GRM8: variants seen among roughly 807,000 people sequenced by gnomAD.
GRM8 encodes metabotropic glutamate receptor 8.
A neutral mutation model predicts 87.2 loss-of-function variants in GRM8; 47 were observed. The observed-to-expected ratio is 0.54, with a 90% CI of 0.43 to 0.69. The LOEUF (loss-of-function observed/expected upper bound fraction) is 0.69. Ranked by LOEUF, GRM8 falls within the 30% of genes least tolerant of loss-of-function variation. GRM8 has a pLI of 0.00. For missense variants in GRM8, 1,019 were observed against 1,139.2 expected (o/e 0.89, Z 1.52); for synonymous variants, 396 against 404.5 (o/e 0.98, Z 0.25).
intron 3 of GRM8, among the ~76,000 whole-genome samples, chr7:126,946,629 A>T (rs1807570258): frequency 1.3e-5 from 2 of 152,322 alleles, no homozygotes; most frequent in African/African-American, 4.8e-5. Context: ...ATTCTATACC[A>T]ACCTGTAGAT....
chr7:126,854,687 G>C (rs1166197102), intron 6 of GRM8, among the ~76,000 whole-genome samples: 1 of 152,138 alleles, frequency 6.6e-6, no homozygotes, highest in Non-Finnish European at 1.5e-5. Context: ...TTCCTTAGCT[G>C]TTAAACCAAA....
chr7:127,072,924 C>A (rs546247392), intron 3 of GRM8, among the ~76,000 whole-genome samples: 46 of 152,056 alleles, frequency 3.0e-4, no homozygotes, highest in African/African-American at 1.1e-3. Context: ...ACAAAGCTAG[C>A]CCACCTCTCT....
chr7:126,510,546 A>G lies in GRM8; in HGVS notation c.2430+22406T>C, dbSNP rs73722635. Among the ~76,000 whole-genome samples, 663 of 88,822 alleles carry G rather than the reference A, an allele frequency of 7.5e-3. 2 individuals are homozygous for G. Among genetic ancestry groups the G allele is most frequent in the African/African-American group, 0.028 (640 of 22,806 alleles). The allele number at this position is 88,822 out of a possible 152,430, so 58.3% of individuals were successfully genotyped here. ...TGAAGGACTTTTGAAGGAAATAAGCATGTTTAAAGTGAAAATAAATTTCAA... is the reference window on the plus strand; with the variant it reads ...TGAAGGACTTTTGAAGGAAATAAGCGTGTTTAAAGTGAAAATAAATTTCAA... On this transcript the variant is annotated intron_variant, in intron 9 of 10. Coordinates refer to ENST00000339582, the MANE Select transcript of GRM8 (RefSeq NM_000845.3).
intron 3 of GRM8, among the ~76,000 whole-genome samples, chr7:127,019,179 AATGTG>A (rs1816004804): frequency 6.6e-6 from 1 of 152,098 alleles, no homozygotes; most frequent in African/African-American, 2.4e-5. Flanking sequence ...CTATACAATG[AATGTG>A]TTACCTTATT....
At chr7:127,046,233 G>T (rs1818909093) in intron 3 of GRM8, among the ~76,000 whole-genome samples, 1 of 151,754 alleles carries the variant, frequency 6.6e-6, no homozygotes, top group African/African-American at 2.4e-5. Context: ...TTAGCCAGGC[G>T]TGGTGGTGGG....
At chr7:126,640,166 T>C (rs1246752437) in intron 7 of GRM8, among the ~76,000 whole-genome samples, 1 of 152,192 alleles carries the variant, frequency 6.6e-6, no homozygotes, top group Non-Finnish European at 1.5e-5. Context: ...TAAAAGAGAA[T>C]GTTTTAAGAA....
At position 126,793,815 on chromosome 7, in the gene GRM8, A is replaced by C. The variant is rs114859975; in HGVS notation, c.1157-23750T>G. ...CCTAAGTTATTTCCATATTTGAAGG[A>C]AATTGGAACAAAAGGAGTAAATACA... On this transcript the variant is annotated intron_variant, in intron 6 of 10. Coordinates refer to ENST00000339582, the MANE Select transcript of GRM8 (RefSeq NM_000845.3). Among the ~76,000 whole-genome samples the C allele has an allele frequency of 6.3e-3, 958 of 152,340 alleles. 10 individuals are homozygous for C. The highest frequency in any genetic ancestry group is 0.021 in the African/African-American group (888 of 41,588).
chr7:126,911,930 C>T lies in GRM8; in HGVS notation c.728-7247G>A, dbSNP rs182516599. 4.6e-3 allele frequency among the ~76,000 whole-genome samples: 708 copies of T among 152,284 alleles called. 2 individuals carry two copies. Among genetic ancestry groups the T allele is most frequent in the Non-Finnish European group, 7.6e-3 (517 of 68,034 alleles). ...AAAAGATTGGCTGGGCGGGGTGGCT[C>T]ATGCCTATAATCCCAGCACTTTGAG... On this transcript the variant is annotated intron_variant, in intron 3 of 10. Coordinates refer to ENST00000339582, the MANE Select transcript of GRM8 (RefSeq NM_000845.3).
intron 2 of GRM8, among the ~76,000 whole-genome samples, chr7:127,130,009 C>A (rs1827593155): frequency 6.6e-6 from 1 of 152,108 alleles, no homozygotes; most frequent in Non-Finnish European, 1.5e-5. Context: ...GTCAGTTTCC[C>A]ACATGCTGTT....
intron 6 of GRM8, among the ~76,000 whole-genome samples, chr7:126,889,567 G>A (rs1800807685): frequency 6.6e-6 from 1 of 152,086 alleles, no homozygotes; most frequent in African/African-American, 2.4e-5. Flanking sequence ...GAATTGTTTT[G>A]ATAAAGTTAG....
chr7:126,455,002 T>C (rs1314096343), intron 9 of GRM8, among the ~76,000 whole-genome samples: 1 of 151,750 alleles, frequency 6.6e-6, no homozygotes, highest in Non-Finnish European at 1.5e-5. Flanking sequence ...TAGTTGGTTG[T>C]GGTTAAATAT....
chr7:126,919,404 TG>T (rs1804262924), intron 3 of GRM8, among the ~76,000 whole-genome samples: 1 of 152,156 alleles, frequency 6.6e-6, no homozygotes, highest in African/African-American at 2.4e-5. Context: ...TACAATAAAT[TG>T]CTTTTTGAAA....
chr7:127,089,858 T>G (rs1405373000), intron 3 of GRM8, among the ~76,000 whole-genome samples: 1 of 152,174 alleles, frequency 6.6e-6, no homozygotes, highest in East Asian at 1.9e-4. Context: ...CAGGAAATAA[T>G]TCATCTGATG....
At chr7:126,501,336 C>T (rs892256158) in intron 9 of GRM8, among the ~76,000 whole-genome samples, 2 of 151,990 alleles carry the variant, frequency 1.3e-5, no homozygotes, top group Non-Finnish European at 2.9e-5. Flanking sequence ...TCAACCATCA[C>T]ATTTTCTGAA....
intron 6 of GRM8, among the ~76,000 whole-genome samples, chr7:126,889,880 T>C (rs1395275236): frequency 6.6e-6 from 1 of 152,110 alleles, no homozygotes; most frequent in Non-Finnish European, 1.5e-5. Flanking sequence ...TTTCCACTTA[T>C]ATTTAATACA....
intron 7 of GRM8, among the ~76,000 whole-genome samples, chr7:126,727,318 C>A (rs114208411): frequency 0.01 from 1,551 of 152,042 alleles, 33 homozygotes; most frequent in African/African-American, 0.035. Context: ...TATATTAATA[C>A]ATGAAATCTG....
intron 3 of GRM8, among the ~76,000 whole-genome samples, chr7:126,924,696 C>G (rs1215511241): frequency 6.6e-6 from 1 of 152,026 alleles, no homozygotes; most frequent in Non-Finnish European, 1.5e-5. Flanking sequence ...CTGATGACGT[C>G]AGTAAGAATC....
At chr7:126,492,866 C>G (rs924688979) in intron 9 of GRM8, among the ~76,000 whole-genome samples, 1 of 151,922 alleles carries the variant, frequency 6.6e-6, no homozygotes, top group African/African-American at 2.4e-5. Context: ...AATCACAAGT[C>G]GACACATGAT....
chr7:127,064,183 A>AT (rs1820882766), intron 3 of GRM8, among the ~76,000 whole-genome samples: 1 of 151,796 alleles, frequency 6.6e-6, no homozygotes, highest in Admixed American at 6.6e-5. Context: ...ATCTTTGTTA[A>AT]TTTTCTGCCT....
Sources: gnomAD v4.1 joint callset for allele counts (sites outside exome capture counted in the v4.1 genomes callset) on GRCh38, gnomAD v4.1.1 for gene constraint, MANE v1.5 for transcripts, NCBI Gene and HGNC (gene_info 2026-07-23, HGNC 2026-07-21) for gene names.